Variants in SDK2 observed in about 807,000 individuals in gnomAD.
SDK2 encodes the protein sidekick cell adhesion molecule 2.
A neutral mutation model predicts 253.9 loss-of-function variants in SDK2; 105 were observed. The ratio of observed to expected loss-of-function variants is 0.41; its 90% CI spans 0.35 to 0.49. The LOEUF (loss-of-function observed/expected upper bound fraction) is 0.49. Ranked by LOEUF, SDK2 falls within the 20% of genes least tolerant of loss-of-function variation. The probability of loss-of-function intolerance (pLI) is 0.06; values close to 1 mark genes in which losing one functional copy is unlikely to be tolerated. For missense variants in SDK2, 2,608 were observed against 3,003.0 expected (o/e 0.87, Z 3.07); for synonymous variants, 1,249 against 1,234.9 (o/e 1.01, Z -0.24).
rs1401041087 is a variant in SDK2 at position 73,455,618 on chromosome 17, G to T, written c.479+288C>A. On this transcript the variant is annotated intron_variant, in intron 4 of 44. Transcript: ENST00000392650. The surrounding 1 kb of genome is among the most constrained non-coding windows in gnomAD (Gnocchi z 5.0). ...AGCGCCTTCGTATATGCCTGTTTGG[G>T]TTTTTTAAGTGCTCTGAAAAGCAGA... Among the ~76,000 whole-genome samples, 1 of 152,216 alleles carries T rather than the reference G, an allele frequency of 6.6e-6. No individual in the cohort carries two copies. Among genetic ancestry groups the T allele is most frequent in the Non-Finnish European group, 1.5e-5 (1 of 68,030 alleles).
chr17:73,464,885 C>A (rs1380771976), intron 3 of SDK2, among the ~76,000 whole-genome samples: 1 of 152,158 alleles, frequency 6.6e-6, no homozygotes, highest in African/African-American at 2.4e-5. Context: ...ATATATTATA[C>A]ATTCACCTTT....
At chr17:73,532,372 A>T (rs2064176346) in intron 1 of SDK2, among the ~76,000 whole-genome samples, 1 of 152,086 alleles carries the variant, frequency 6.6e-6, no homozygotes, top group African/African-American at 2.4e-5. Context: ...CTGAGTGAAC[A>T]TCCCCACACT....
intron 18 of SDK2, among the ~76,000 whole-genome samples, chr17:73,406,642 G>A (rs1366253643): frequency 6.6e-6 from 1 of 152,204 alleles, no homozygotes; most frequent in Non-Finnish European, 1.5e-5. Flanking sequence ...GACAAGGATT[G>A]AAGCTGATTT....
At chr17:73,362,636 C>T (rs1299253579) in intron 38 of SDK2, among the ~76,000 whole-genome samples, 1 of 152,006 alleles carries the variant, frequency 6.6e-6, no homozygotes, top group Non-Finnish European at 1.5e-5. Flanking sequence ...AGTGATCCTC[C>T]CACCTTGGCC....
intron 5 of SDK2, among the ~76,000 whole-genome samples, chr17:73,446,868 T>C (rs1677934554): frequency 6.6e-6 from 1 of 151,746 alleles, no homozygotes; most frequent in African/African-American, 2.4e-5. Flanking sequence ...GTCTTGGGAA[T>C]GGAGTATGGA....
intron 36 of SDK2, among the ~76,000 whole-genome samples, 177 bp from the exon 37 acceptor site, chr17:73,368,770 G>A (rs188187659): frequency 1.3e-5 from 2 of 152,296 alleles, no homozygotes; most frequent in African/African-American, 2.4e-5. Context: ...AGCACTTTGG[G>A]AGGCAGAGGT....
intron 12 of SDK2, among the ~76,000 whole-genome samples, chr17:73,427,446 A>C (rs988018136): frequency 6.6e-6 from 1 of 152,218 alleles, no homozygotes; most frequent in African/African-American, 2.4e-5. Flanking sequence ...AACAGAGTTG[A>C]GTAGTCATGA....
chr17:73,411,047 C>T (rs899524885), intron 18 of SDK2, among the ~76,000 whole-genome samples: 4 of 152,206 alleles, frequency 2.6e-5, no homozygotes, highest in African/African-American at 7.2e-5. Flanking sequence ...TCAGCAATGC[C>T]GGCCTCCCCT....
At chr17:73,602,065 C>G (rs1270835255) in intron 1 of SDK2, among the ~76,000 whole-genome samples, 2 of 152,228 alleles carry the variant, frequency 1.3e-5, no homozygotes, top group Non-Finnish European at 2.9e-5. Flanking sequence ...TTTAAACAAC[C>G]CAGTTTGTAG....
chr17:73,407,699 A>T (rs932552929), intron 18 of SDK2, among the ~76,000 whole-genome samples: 4 of 152,114 alleles, frequency 2.6e-5, no homozygotes, highest in Non-Finnish European at 5.9e-5. Context: ...ATCCTCCCAA[A>T]GTGTTGGGAT....
At chr17:73,422,210 C>T in intron 15 of SDK2, 77 bp downstream of exon 15, 6 of 1,538,546 alleles carry the variant, frequency 3.9e-6, no homozygotes, top group Non-Finnish European at 4.4e-6. Context: ...GAGCCAGAAT[C>T]TGCCACATCG....
rs1398915106 is a variant in SDK2 at position 73,616,723 on chromosome 17, G to A, written c.64+27302C>T. On this transcript the variant is annotated intron_variant, in intron 1 of 44. Transcript: ENST00000392650. This position sits in a 1 kb window ranked among gnomAD's most constrained non-coding sequence, Gnocchi z 5.2. ...GGATAGGAAGCCACTTTCCTCCTGG[G>A]CCCAGCCCTTAGAGAGGTGCCTGAG... Among the ~76,000 whole-genome samples the A allele has an allele frequency of 2.0e-5, 3 of 152,178 alleles. No homozygotes were observed. The highest frequency in any genetic ancestry group is 7.2e-5 in the African/African-American group (3 of 41,444).
At position 73,391,916 on chromosome 17, in the gene SDK2, G is replaced by A. The variant is rs565951603; in HGVS notation, c.3899-378C>T. On this transcript the variant is annotated intron_variant, in intron 27 of 44. Transcript: ENST00000392650. Reference sequence around the variant, plus strand: ...CTTCCACCCATGGGGTGAAGTGGCCGTGGGGTAATGGGAAATGCCCACCCC... The same window carrying A: ...CTTCCACCCATGGGGTGAAGTGGCCATGGGGTAATGGGAAATGCCCACCCC... 1.1e-4 allele frequency among the ~76,000 whole-genome samples: 16 copies of A among 151,224 alleles called. 1 individual carries two copies. The highest frequency in any genetic ancestry group is 2.0e-4 in the Admixed American group (3 of 15,200).
chr17:73,504,671 C>T (rs185740460), intron 2 of SDK2, among the ~76,000 whole-genome samples: 202 of 146,048 alleles, frequency 1.4e-3, no homozygotes, highest in Non-Finnish European at 1.6e-3. Flanking sequence ...CATGCATTAT[C>T]AGGAAAGGTT....
intron 36 of SDK2, among the ~76,000 whole-genome samples, chr17:73,369,628 A>G (rs759085676): frequency 6.6e-6 from 1 of 152,224 alleles, no homozygotes; most frequent in Non-Finnish European, 1.5e-5. Flanking sequence ...GCTTTAGGCC[A>G]GGAACACAAC....
intron 40 of SDK2, among the ~76,000 whole-genome samples, chr17:73,355,174 A>ATATATATATGTATTTTTTTTTTT: frequency 2.1e-5 from 1 of 47,224 alleles, no homozygotes; most frequent in Admixed American, 1.8e-4. Context: ...ATATATATAT[A>ATATATATATGTATTTTTTTTTTT]TTTTTTTTTT....
At chr17:73,572,832 A>G (rs1382406420) in intron 1 of SDK2, among the ~76,000 whole-genome samples, 2 of 151,976 alleles carry the variant, frequency 1.3e-5, no homozygotes, top group Non-Finnish European at 2.9e-5. Context: ...CTCCACCCCA[A>G]TCTGGTCAGT....
intron 36 of SDK2, chr17:73,369,228 G>C: frequency 2.1e-6 from 1 of 466,840 alleles, no homozygotes; most frequent in Non-Finnish European, 4.4e-6. Context: ...CCTACGGGAG[G>C]CTGAGCTGGG....
Position 73,395,174 on chromosome 17 carries a change from C to A in SDK2, c.3573G>T (p.Val1191=). Residue 1191 remains valine (V), a synonymous_variant, in exon 25 of 45, where the codon GTG becomes GTT. Transcript: ENST00000392650. This position sits in a 1 kb window ranked among gnomAD's most constrained non-coding sequence, Gnocchi z 4.3. ...TGGTACCTGACTCCCGGGTCCTGCC[C>A]ACCACCGTCTGGCTCCAGGGCCCGC... is the stretch of plus-strand genomic sequence containing the variant. ...IGSGPWSQTV[V]GRTRESVPSS... 1 of 1,600,684 alleles carries A rather than the reference C, an allele frequency of 6.2e-7. No homozygotes were observed. The highest frequency in any genetic ancestry group is 8.5e-7 in the Non-Finnish European group (1 of 1,174,824).
Sources: gnomAD v4.1 joint callset for allele counts (sites outside exome capture counted in the v4.1 genomes callset) on GRCh38, gnomAD v4.1.1 for gene constraint, Gnocchi (gnomAD v3.1) non-coding constraint, MANE v1.5 for transcripts, NCBI Gene and HGNC (gene_info 2026-07-23, HGNC 2026-07-21) for gene names.